STAG3: variants seen among roughly 807,000 people sequenced by gnomAD.
STAG3 encodes the protein cohesin subunit SA-3.
STAG3 carries 101 observed loss-of-function variants against 160.7 expected under a neutral mutation model. The ratio of observed to expected loss-of-function variants is 0.63; its 90% CI spans 0.54 to 0.74. STAG3 has a LOEUF of 0.74. STAG3 is among the 30% of genes least tolerant of loss of function. The pLI is 0.00. For synonymous variants in STAG3, 519 were observed against 585.0 expected (o/e 0.89, Z 1.63); for missense variants, 1,188 against 1,517.4 (o/e 0.78, Z 3.61).
At chr7:100,203,050 C>T (rs928412195) in intron 25 of STAG3, among the ~76,000 whole-genome samples, 8 of 152,184 alleles carry the variant, frequency 5.3e-5, no homozygotes, top group African/African-American at 1.9e-4. Flanking sequence ...ACACAAGTTC[C>T]TATTTGGTGG....
chr7:100,190,099 A>C (rs1800266885), intron 8 of STAG3, among the ~76,000 whole-genome samples: 1 of 152,228 alleles, frequency 6.6e-6, no homozygotes, highest in African/African-American at 2.4e-5. Context: ...TTTTCTTTAA[A>C]AAAAGGAATA....
chr7:100,190,053 A>C (rs1006581698), intron 8 of STAG3, among the ~76,000 whole-genome samples: 1 of 152,220 alleles, frequency 6.6e-6, no homozygotes, highest in African/African-American at 2.4e-5. Flanking sequence ...TTTAGTCACT[A>C]GCTCCATAGC....
At chr7:100,181,794 G>C (rs1477904880) in intron 2 of STAG3, among the ~76,000 whole-genome samples, 1 of 151,910 alleles carries the variant, frequency 6.6e-6, no homozygotes, top group Admixed American at 6.6e-5. Flanking sequence ...CCAGCTACTC[G>C]GGAGGCTGAG....
downstream of STAG3, among the ~76,000 whole-genome samples, chr7:100,215,656 T>C (rs1211590413): frequency 6.6e-6 from 1 of 152,096 alleles, no homozygotes; most frequent in African/African-American, 2.4e-5. Flanking sequence ...CTTGGGGGCT[T>C]TGCATCAATA....
rs755951671 is a variant in STAG3 at position 100,214,010 on chromosome 7, T to C, written c.3676T>C (p.Phe1226Leu). ...LDSTELDIED[F>L] is the part of the protein sequence containing the mutation. ...CCTTTCATCTTTCTCATTATAGGAT[T>C]TCTGACAGGACTCTGGGCCCCTCCC... The change falls in exon 34 of 34, where the codon TTC (phenylalanine) becomes CTC (leucine). Residue 1226 changes from phenylalanine (F) to leucine (L), a missense_variant. By Grantham distance (22) the Phe-to-Leu change is conservative. Transcript: ENST00000615138. 1.9e-6 allele frequency: 3 copies of C among 1,614,074 alleles called. No homozygotes were observed. The highest frequency in any genetic ancestry group is 2.5e-6 in the Non-Finnish European group (3 of 1,180,036).
intron 10 of STAG3, 40 bp from the exon 11 acceptor site, chr7:100,197,733 GTGGTT>G: frequency 6.7e-7 from 1 of 1,484,630 alleles, no homozygotes; most frequent in African/African-American, 1.4e-5. Context: ...CGAGTAGAGT[GTGGTT>G]AGTCTTATTT....
Position 100,211,077 on chromosome 7 carries a change from T to TACCCC in STAG3, c.3305_3306insACCCC (p.Thr1105ArgfsTer11). On this transcript the variant is annotated frameshift_variant, in exon 30 of 34. Coordinates refer to ENST00000615138, the MANE Select transcript of STAG3 (RefSeq NM_001282717.2). LOFTEE classifies it high-confidence loss of function. Reference sequence around the variant, plus strand: ...GAAGAAAGTCTGCAGCTGAACAGCATCCCGCCCACGCCCACCCTCACCTCC... The same window carrying TACCCC: ...GAAGAAAGTCTGCAGCTGAACAGCATACCCCCCCGCCCACGCCCACCCTCACCTCC... 15 of 1,600,750 alleles carry TACCCC rather than the reference T, an allele frequency of 9.4e-6. No individual in the cohort carries two copies. The highest frequency in any genetic ancestry group is 1.2e-5 in the Non-Finnish European group (14 of 1,168,780).
In STAG3 at chr7:100,181,901, C is replaced by CAA. The variant is rs3041317; in HGVS notation, c.117-172_117-171dup. 0.26 allele frequency among the ~76,000 whole-genome samples: 18,509 copies of CAA among 69,916 alleles called. 1,837 individuals carry two copies. The highest frequency in any genetic ancestry group is 0.41 in the Middle Eastern group (59 of 144). 45.9% of individuals were successfully genotyped at this position (69,916 alleles called of 152,430 possible). A position where few individuals can be genotyped will look rare whatever the true frequency, so the allele number is the denominator to read the frequency against. On this transcript the variant is annotated intron_variant, in intron 2 of 33. Transcript: ENST00000615138. ...GGGTGACAAGGGTGAAACTCCGTCTCAAAAAAAAAAAAAAAAAAGACTTTG... is the reference window on the plus strand; with the variant it reads ...GGGTGACAAGGGTGAAACTCCGTCTCAAAAAAAAAAAAAAAAAAAAGACTTTG...
chr7:100,184,676 C>T (rs996477547), intron 4 of STAG3, among the ~76,000 whole-genome samples: 6 of 151,890 alleles, frequency 4.0e-5, no homozygotes, highest in East Asian at 1.9e-4. Context: ...CCGTGTTGGC[C>T]GGGATGGTCT....
chr7:100,206,093 C>T (rs1348279033), intron 29 of STAG3, among the ~76,000 whole-genome samples: 3 of 151,840 alleles, frequency 2.0e-5, no homozygotes, highest in African/African-American at 7.3e-5. Context: ...CGGCTCACTG[C>T]AAGCTCTGCC....
At position 100,198,561 on chromosome 7, in the gene STAG3, C is replaced by G; in HGVS notation, c.1331C>G (p.Ala444Gly). ...YASHRGLASAAGEFLYWKLFY... is the reference protein window; with the variant it reads ...YASHRGLASAGGEFLYWKLFY... The stretch of plus-strand genomic sequence containing the variant: ...TCTCATCGAGGCCTGGCCTCTGCCG[C>G]AGGCGAATTTCTGTACTGGAAGTGA... The change falls in exon 13 of 34, where the codon GCA (alanine) becomes GGA (glycine). Residue 444 changes from alanine to glycine, a missense_variant. Transcript: ENST00000615138. 2 of 1,613,928 alleles carry G rather than the reference C, an allele frequency of 1.2e-6. No homozygotes were observed. The highest frequency in any genetic ancestry group is 1.7e-6 in the Non-Finnish European group (2 of 1,180,028).
intron 32 of STAG3, 87 bp downstream of exon 32, chr7:100,211,963 G>A (rs1217159217): frequency 2.2e-5 from 26 of 1,208,110 alleles, no homozygotes; most frequent in Middle Eastern, 2.5e-4. Flanking sequence ...CTCTCCGCTC[G>A]GTGATGCCTG....
chr7:100,205,308 C>T lies in STAG3; in HGVS notation c.3162C>T (p.His1054=), dbSNP rs1171649239. 6.2e-7 allele frequency: 1 copy of T among 1,614,070 alleles called. No individual in the cohort carries two copies. The highest frequency in any genetic ancestry group is 8.5e-7 in the Non-Finnish European group (1 of 1,180,054). Residue 1054 remains histidine, a synonymous_variant, in exon 29 of 34, where the codon CAC becomes CAT. Transcript: ENST00000615138. The stretch of plus-strand genomic sequence containing the variant: ...GGGGCCCAGTCACCACCTACTGCCA[C>T]TCCCTCAGCCCTGTGGAGAACACAG... ...HPWGPVTTYC[H]SLSPVENTAE...
chr7:100,192,402 T>C (rs969680012), intron 8 of STAG3, among the ~76,000 whole-genome samples: 2 of 152,136 alleles, frequency 1.3e-5, no homozygotes, highest in African/African-American at 4.8e-5. Context: ...GTGCTGCTTG[T>C]AATCCCAGCT....
chr7:100,216,485 C>T (rs990276805), downstream of STAG3, among the ~76,000 whole-genome samples: 1 of 152,158 alleles, frequency 6.6e-6, no homozygotes, highest in African/African-American at 2.4e-5. Context: ...CATGGTTCAA[C>T]ATTTTCTGAA....
intron 29 of STAG3, among the ~76,000 whole-genome samples, chr7:100,208,841 G>C (rs1801905538): frequency 6.6e-6 from 1 of 152,082 alleles, no homozygotes; most frequent in South Asian, 2.1e-4. Flanking sequence ...GGCGGGGTGG[G>C]GATTGCAGTC....
intron 31 of STAG3, 41 bp downstream of exon 31, chr7:100,211,580 G>GT (rs2117534788): frequency 6.2e-7 from 1 of 1,600,966 alleles, no homozygotes; most frequent in Non-Finnish European, 8.5e-7. Flanking sequence ...CTTCAGATCT[G>GT]TCGCCCACTG....
rs1800003079 is a variant in STAG3 at position 100,186,352 on chromosome 7, A to C, written c.433+56A>C. 6.9e-6 allele frequency: 10 copies of C among 1,453,792 alleles called. No individual in the cohort carries two copies. The South Asian group carries it at 1.0e-4, about 15-fold the overall frequency. 90.1% of individuals were successfully genotyped at this position (1,453,792 alleles called of 1,614,324 possible). ...CAGCCTTTTGTTCCTATGTTATGAAATTCTTTCTCCATTTAGATAAGTAGG... is the reference window on the plus strand; with the variant it reads ...CAGCCTTTTGTTCCTATGTTATGAACTTCTTTCTCCATTTAGATAAGTAGG... On this transcript the variant is annotated intron_variant, in intron 5 of 33. Transcript: ENST00000615138.
chr7:100,201,706 T>G, intron 21 of STAG3, 80 bp from the exon 22 acceptor site: 1 of 1,211,704 alleles, frequency 8.3e-7, no homozygotes, highest in Non-Finnish European at 1.2e-6. Flanking sequence ...TTTTCTCTCC[T>G]CTTCACTGGT....
Sources: allele counts gnomAD v4.1 joint callset (sites outside exome capture counted in the v4.1 genomes callset), GRCh38; gene constraint gnomAD v4.1.1; transcripts MANE v1.5; gene names NCBI Gene and HGNC (gene_info 2026-07-23, HGNC 2026-07-21).